PSPC1: variants seen among roughly 807,000 people sequenced by gnomAD.
PSPC1 encodes paraspeckle component 1.
Under a neutral mutation model 51.6 loss-of-function variants are expected in PSPC1, and 14 were observed. The observed-to-expected ratio is 0.27, with a 90% CI of 0.18 to 0.42. The LOEUF (loss-of-function observed/expected upper bound fraction) is 0.42. PSPC1 is among the 10% of genes least tolerant of loss of function. The probability of loss-of-function intolerance (pLI) is 1.00; values close to 1 mark genes in which losing one functional copy is unlikely to be tolerated. For synonymous variants in PSPC1, 193 were observed against 231.9 expected (o/e 0.83, Z 1.53); for missense variants, 406 against 701.1 (o/e 0.58, Z 4.75).
chr13:19,706,594 A>T (rs1250836039), intron 7 of PSPC1, among the ~76,000 whole-genome samples: 1 of 152,092 alleles, frequency 6.6e-6, no homozygotes, highest in Non-Finnish European at 1.5e-5. Flanking sequence ...AAATCCACCT[A>T]CCTCATTAAC....
At chr13:19,773,281 G>A (rs1888792416) in intron 1 of PSPC1, among the ~76,000 whole-genome samples, 1 of 145,104 alleles carries the variant, frequency 6.9e-6, no homozygotes, top group Admixed American at 7.0e-5. Flanking sequence ...ACAGAATCTG[G>A]CACTGTCACC....
At chr13:19,778,395 C>A (rs1889441872) in intron 1 of PSPC1, among the ~76,000 whole-genome samples, 1 of 103,720 alleles carries the variant, frequency 9.6e-6, no homozygotes, top group African/African-American at 4.2e-5. Context: ...CCCTCCCCCT[C>A]CCTCTCCCTC....
intron 6 of PSPC1, among the ~76,000 whole-genome samples, chr13:19,683,329 C>G (rs1403545957): frequency 6.6e-6 from 1 of 152,108 alleles, no homozygotes; most frequent in Non-Finnish European, 1.5e-5. Flanking sequence ...TGTCATTGAG[C>G]AGAATGAGAA....
chr13:19,690,635 T>C lies in PSPC1; in HGVS notation c.1159-12812A>G, dbSNP rs74038318. Among the ~76,000 whole-genome samples the C allele has an allele frequency of 6.2e-3, 939 of 152,310 alleles. 14 individuals are homozygous for C. Among genetic ancestry groups the C allele is most frequent in the African/African-American group, 0.021 (860 of 41,574 alleles). On this transcript the variant is annotated intron_variant and NMD_transcript_variant, in intron 6 of 7. Coordinates refer to the PSPC1 transcript ENST00000471658. ...GGGGTTCCACCAAGACCAAACGCCA[T>C]TGTATTTGGTATAGCCAATCAATAC... is the stretch of plus-strand genomic sequence containing the variant.
At chr13:19,723,727 G>A (rs1043840542) in intron 6 of PSPC1, among the ~76,000 whole-genome samples, 1 of 152,118 alleles carries the variant, frequency 6.6e-6, no homozygotes, top group Non-Finnish European at 1.5e-5. Flanking sequence ...TTATATATAT[G>A]TTTGTTTTTA....
At chr13:19,779,808 TG>T in intron 1 of PSPC1, among the ~76,000 whole-genome samples, 1 of 68,390 alleles carries the variant, frequency 1.5e-5, no homozygotes, top group African/African-American at 5.9e-5. Flanking sequence ...CCGCCCCTAC[TG>T]GGAAGTGAGG....
chr13:19,682,486 CAAAA>C (rs138769031), intron 6 of PSPC1, among the ~76,000 whole-genome samples: 2,831 of 98,622 alleles, frequency 0.029, 71 homozygotes, highest in African/African-American at 0.097. Flanking sequence ...GGCTGAATGG[CAAAA>C]AAAAAAAAAA....
At chr13:19,751,250 T>C (rs768835139) in intron 4 of PSPC1, 21 bp downstream of exon 4, 1 of 1,505,306 alleles carries the variant, frequency 6.6e-7, no homozygotes. Flanking sequence ...ATACCACATG[T>C]ACATGAAAAT....
chr13:19,688,102 C>T lies in PSPC1; in HGVS notation c.1159-10279G>A, dbSNP rs868200965. ...CTCACTAAGATAGATACTACTTCCCCTTTTGTTCTGAATGGTCGTCTAATG... is the reference window on the plus strand; with the variant it reads ...CTCACTAAGATAGATACTACTTCCCTTTTTGTTCTGAATGGTCGTCTAATG... On this transcript the variant is annotated intron_variant and NMD_transcript_variant, in intron 6 of 7. Coordinates refer to the PSPC1 transcript ENST00000471658. Among the ~76,000 whole-genome samples the T allele has an allele frequency of 8.5e-5, 13 of 152,142 alleles. No individual in the cohort carries two copies. The Middle Eastern group carries it at 0.01, about 119-fold the overall frequency.
At chr13:19,751,025 C>A (rs1190321551) in intron 4 of PSPC1, among the ~76,000 whole-genome samples, 2 of 151,904 alleles carry the variant, frequency 1.3e-5, no homozygotes, top group African/African-American at 4.8e-5. Context: ...TGCCTTGGCC[C>A]CCCAAAGTGC....
intron 1 of PSPC1, among the ~76,000 whole-genome samples, chr13:19,774,554 C>T (rs959426305): frequency 2.0e-5 from 3 of 152,138 alleles, no homozygotes; most frequent in Admixed American, 2.0e-4. Context: ...AATCCCAGCA[C>T]TTTGGGAGGC....
downstream of PSPC1, among the ~76,000 whole-genome samples, chr13:19,700,066 T>A (rs1212403048): frequency 6.6e-6 from 1 of 152,042 alleles, no homozygotes; most frequent in Non-Finnish European, 1.5e-5. Flanking sequence ...TCACATCCTT[T>A]CACAAAACTT....
At chr13:19,759,676 C>T (rs1040662427) in intron 2 of PSPC1, among the ~76,000 whole-genome samples, 61 of 152,068 alleles carry the variant, frequency 4.0e-4, no homozygotes, top group African/African-American at 1.5e-3. Flanking sequence ...TCCAGGCCAA[C>T]ATGGTGAAAT....
chr13:19,707,291 C>G (rs1490138586), intron 7 of PSPC1, among the ~76,000 whole-genome samples: 1 of 152,142 alleles, frequency 6.6e-6, no homozygotes, highest in Admixed American at 6.5e-5. Flanking sequence ...CAGCAGTTAA[C>G]TTAGAGCCTT....
intron 6 of PSPC1, chr13:19,678,823 T>G (rs1213367537): frequency 6.6e-6 from 1 of 152,194 alleles, no homozygotes; most frequent in Non-Finnish European, 1.5e-5. Flanking sequence ...GTGGCGTGAA[T>G]ACAGATCACT....
intron 2 of PSPC1, among the ~76,000 whole-genome samples, chr13:19,771,470 C>T (rs750891087): frequency 6.6e-6 from 1 of 152,050 alleles, no homozygotes; most frequent in Admixed American, 6.6e-5. Context: ...CAAGGTCACT[C>T]GGTCACCTAG....
chr13:19,711,611 C>T (rs989342837), intron 6 of PSPC1, among the ~76,000 whole-genome samples: 3 of 142,290 alleles, frequency 2.1e-5, no homozygotes, highest in Non-Finnish European at 4.5e-5. Flanking sequence ...GTACTCCAGC[C>T]TGGGCAACAA....
chr13:19,780,185 T>TG lies in PSPC1; in HGVS notation c.372+2200dup, dbSNP rs1265259234. Among the ~76,000 whole-genome samples the TG allele has an allele frequency of 5.3e-4, 35 of 65,618 alleles. No individual in the cohort carries two copies. In the South Asian group the frequency reaches 0.01, roughly 19 times the overall value. The allele number at this position is 65,618 out of a possible 152,430, so 43.0% of individuals were successfully genotyped here. On this transcript the variant is annotated intron_variant, in intron 1 of 8. Coordinates refer to ENST00000338910, the MANE Select transcript of PSPC1 (RefSeq NM_001354909.2). Reference sequence around the variant, plus strand: ...CCAGCCGCCCCGTCCGGGAGGGAGGTGGGGGGGGTCAGCCCCCCCGCCCGG... The same window carrying TG: ...CCAGCCGCCCCGTCCGGGAGGGAGGTGGGGGGGGGTCAGCCCCCCCGCCCGG...
intron 4 of PSPC1, among the ~76,000 whole-genome samples, chr13:19,748,871 T>G (rs1022354601): frequency 4.6e-5 from 7 of 151,514 alleles, no homozygotes; most frequent in Admixed American, 2.6e-4. Flanking sequence ...TCCAAGATGA[T>G]TCTAATGGGT....
Sources: gnomAD v4.1 joint callset for allele counts (sites outside exome capture counted in the v4.1 genomes callset) on GRCh38, gnomAD v4.1.1 for gene constraint, MANE v1.5 for transcripts, NCBI Gene and HGNC (gene_info 2026-07-23, HGNC 2026-07-21) for gene names.